GRID2: variants seen among roughly 807,000 people sequenced by gnomAD.
GRID2 encodes the protein glutamate ionotropic receptor delta type subunit 2.
In GRID2, 33 loss-of-function variants were observed where a neutral mutation model predicts 114.8. That is an observed-to-expected ratio of 0.29 (90% CI 0.22 to 0.38). The LOEUF (loss-of-function observed/expected upper bound fraction) is 0.38, where lower values mean the gene tolerates loss of function less well. Among genes scored for constraint, GRID2 ranks in the 10% least tolerant of loss-of-function variants. GRID2 has a pLI of 1.00. For missense variants in GRID2, 1,184 were observed against 1,257.7 expected (o/e 0.94, Z 0.89); for synonymous variants, 505 against 449.9 (o/e 1.12, Z -1.55).
chr4:92,763,838 T>C (rs769496424), intron 2 of GRID2, among the ~76,000 whole-genome samples: 5 of 152,192 alleles, frequency 3.3e-5, no homozygotes, highest in African/African-American at 4.8e-5. Flanking sequence ...CAGAAGACTT[T>C]GTATTTTACT....
At chr4:92,990,214 G>A (rs1246181150) in intron 2 of GRID2, among the ~76,000 whole-genome samples, 1 of 131,974 alleles carries the variant, frequency 7.6e-6, no homozygotes, top group Middle Eastern at 3.9e-3. Context: ...GTGTGTGTGT[G>A]TGTGTGTGTG....
chr4:92,785,098 G>T (rs1416457774), intron 2 of GRID2, among the ~76,000 whole-genome samples: 3 of 140,066 alleles, frequency 2.1e-5, no homozygotes, highest in Admixed American at 7.3e-5. Context: ...TTTAACAACT[G>T]ACATAATCCA....
At chr4:92,542,504 CATT>C (rs1726018549) in intron 1 of GRID2, among the ~76,000 whole-genome samples, 1 of 151,978 alleles carries the variant, frequency 6.6e-6, no homozygotes, top group Non-Finnish European at 1.5e-5. Flanking sequence ...AGTTGAAGAT[CATT>C]ATTCTAAGTG....
chr4:92,421,504 G>C (rs1177194241), intron 1 of GRID2, among the ~76,000 whole-genome samples: 2 of 152,142 alleles, frequency 1.3e-5, no homozygotes, highest in Non-Finnish European at 2.9e-5. Flanking sequence ...GCAAATGAAA[G>C]TTTGTAGAAA....
chr4:92,384,523 A>ATTATATT, intron 1 of GRID2, among the ~76,000 whole-genome samples: 1 of 31,428 alleles, frequency 3.2e-5, no homozygotes, highest in African/African-American at 1.4e-4. Flanking sequence ...AATATTATAT[A>ATTATATT]ATATAATATA....
chr4:93,644,817 G>C (rs559964147), intron 14 of GRID2, among the ~76,000 whole-genome samples: 1 of 151,936 alleles, frequency 6.6e-6, no homozygotes, highest in African/African-American at 2.4e-5. Flanking sequence ...AGGACAAGGG[G>C]AATCATTGAA....
intron 8 of GRID2, among the ~76,000 whole-genome samples, chr4:93,324,438 C>G (rs1177267237): frequency 6.6e-6 from 1 of 152,036 alleles, no homozygotes; most frequent in Non-Finnish European, 1.5e-5. Context: ...TTCAGTTTGC[C>G]AGTATTTTAT....
intron 2 of GRID2, among the ~76,000 whole-genome samples, chr4:92,715,350 C>T (rs1735485732): frequency 6.6e-6 from 1 of 152,116 alleles, no homozygotes; most frequent in Non-Finnish European, 1.5e-5. Context: ...TTAGGGAATT[C>T]CAAACACTCC....
At chr4:93,786,590 G>A (rs1290034373) in intron 1 of GRID2, among the ~76,000 whole-genome samples, 4 of 152,108 alleles carry the variant, frequency 2.6e-5, no homozygotes, top group African/African-American at 7.2e-5. Flanking sequence ...TAAATTTCTA[G>A]GTTCAATTGC....
intron 13 of GRID2, among the ~76,000 whole-genome samples, chr4:93,570,886 T>A (rs890867421): frequency 6.6e-6 from 1 of 152,164 alleles, no homozygotes; most frequent in Non-Finnish European, 1.5e-5. Context: ...TCATTGCCTC[T>A]TCATATGGAT....
chr4:92,407,909 T>C (rs1731103204), intron 1 of GRID2, among the ~76,000 whole-genome samples: 1 of 152,188 alleles, frequency 6.6e-6, no homozygotes, highest in African/African-American at 2.4e-5. Context: ...TGGTAATTTC[T>C]TTTTCTGTGC....
chr4:92,892,137 C>T (rs370336407), intron 2 of GRID2, among the ~76,000 whole-genome samples: 201 of 151,474 alleles, frequency 1.3e-3, no homozygotes, highest in Non-Finnish European at 2.3e-3. Context: ...GATCTTGGCT[C>T]ACTGCAACCT....
intron 9 of GRID2, among the ~76,000 whole-genome samples, chr4:93,396,892 A>G (rs1765383711): frequency 6.6e-6 from 1 of 152,036 alleles, no homozygotes; most frequent in African/African-American, 2.4e-5. Flanking sequence ...GTGCTAGTTT[A>G]TAGCCTGTTT....
intron 14 of GRID2, among the ~76,000 whole-genome samples, chr4:93,735,230 T>C (rs888537940): frequency 6.6e-6 from 1 of 151,968 alleles, no homozygotes; most frequent in Non-Finnish European, 1.5e-5. Flanking sequence ...AGTCATTATT[T>C]CTCTAAGTAC....
At chr4:93,583,735 G>A (rs989818694) in intron 13 of GRID2, among the ~76,000 whole-genome samples, 1 of 152,032 alleles carries the variant, frequency 6.6e-6, no homozygotes, top group Admixed American at 6.6e-5. Flanking sequence ...GGTCCATTCT[G>A]TCCAAGGCCG....
chr4:92,613,943 A>G (rs545509616), intron 2 of GRID2, among the ~76,000 whole-genome samples: 1 of 151,574 alleles, frequency 6.6e-6, no homozygotes, highest in Non-Finnish European at 1.5e-5. Context: ...TATTTATGTG[A>G]TACATAGTGA....
At chr4:93,281,887 C>G (rs1752685935) in intron 8 of GRID2, among the ~76,000 whole-genome samples, 1 of 151,936 alleles carries the variant, frequency 6.6e-6, no homozygotes, top group Non-Finnish European at 1.5e-5. Context: ...AATTAACAGT[C>G]TATTCTATAA....
intron 2 of GRID2, among the ~76,000 whole-genome samples, chr4:92,992,014 A>G (rs1754935814): frequency 6.6e-6 from 1 of 152,208 alleles, no homozygotes; most frequent in Non-Finnish European, 1.5e-5. Flanking sequence ...ACTGTCTCGT[A>G]GCCCTGCACC....
intron 8 of GRID2, among the ~76,000 whole-genome samples, chr4:93,391,597 T>C (rs1226421367): frequency 6.6e-6 from 1 of 152,180 alleles, no homozygotes; most frequent in Non-Finnish European, 1.5e-5. Flanking sequence ...CTGACTCCTG[T>C]TATTAAAGCC....
Sources: gnomAD v4.1 joint callset for allele counts (sites outside exome capture counted in the v4.1 genomes callset) on GRCh38, gnomAD v4.1.1 for gene constraint, MANE v1.5 for transcripts, NCBI Gene and HGNC (gene_info 2026-07-23, HGNC 2026-07-21) for gene names.